Variants in RC3H2 observed in about 807,000 individuals in gnomAD.
The protein encoded by RC3H2 is roquin-2.
In RC3H2, 31 loss-of-function variants were observed where a neutral mutation model predicts 133.3. The ratio of observed to expected loss-of-function variants is 0.23; its 90% confidence interval spans 0.17 to 0.31. RC3H2 has a LOEUF of 0.31. Among genes scored for constraint, RC3H2 ranks in the 10% least tolerant of loss-of-function variants. The pLI, the probability that RC3H2 is intolerant of heterozygous loss-of-function variation, is 1.00. For missense variants in RC3H2, 1,175 were observed against 1,437.2 expected, an observed-to-expected ratio of 0.82 and a Z score of 2.95; for synonymous variants, 517 against 502.2, an observed-to-expected ratio of 1.03 and a Z score of -0.40.
rs753799385 is a variant in RC3H2 at position 122,887,849 on chromosome 9, T to G, written c.583+2463A>C. Among the ~76,000 whole-genome samples the G allele has an allele frequency of 1.2e-4, 18 of 150,760 alleles. 1 individual carries two copies. Among genetic ancestry groups the G allele is most frequent in the Admixed American group, 7.3e-4 (11 of 15,022 alleles). On this transcript the variant is annotated intron_variant, in intron 4 of 20. Transcript: ENST00000357244. Reference sequence around the variant, plus strand: ...AACCTCTGCCCCGAGGTTAGGGCAATTCTCGTGCCTCAGCTTCGCGAGTAG... The same window carrying G: ...AACCTCTGCCCCGAGGTTAGGGCAAGTCTCGTGCCTCAGCTTCGCGAGTAG...
At chr9:122,905,013 C>T in intron 1 of RC3H2, 97 bp downstream of exon 1, 2 of 871,100 alleles carry the variant, frequency 2.3e-6, no homozygotes, top group Non-Finnish European at 2.8e-6. Context: ...GGCGACAGCG[C>T]ACAGGCCCCA....
At chr9:122,894,839 C>G (rs1334590986) in intron 2 of RC3H2, among the ~76,000 whole-genome samples, 1 of 152,132 alleles carries the variant, frequency 6.6e-6, no homozygotes, top group Non-Finnish European at 1.5e-5. Context: ...GAGATTGCGC[C>G]ACTGCACTCC....
At chr9:122,901,586 CTT>C (rs11309716) in intron 1 of RC3H2, among the ~76,000 whole-genome samples, 118 of 119,996 alleles carry the variant, frequency 9.8e-4, no homozygotes, top group East Asian at 7.7e-3. Context: ...CCAATGCATT[CTT>C]TTTTTTTTTT....
At chr9:122,898,621 T>C (rs561009773) in intron 1 of RC3H2, among the ~76,000 whole-genome samples, 193 of 152,108 alleles carry the variant, frequency 1.3e-3, no homozygotes, top group Middle Eastern at 3.4e-3. Flanking sequence ...TGGTGGCACA[T>C]GCCTGTAATT....
In RC3H2 at chr9:122,887,789, G is replaced by C. The variant is rs190105390; in HGVS notation, c.583+2523C>G. Among the ~76,000 whole-genome samples, 6 of 142,366 alleles carry C rather than the reference G, an allele frequency of 4.2e-5. No individual in the cohort carries two copies. In the East Asian group the frequency reaches 1.2e-3, roughly 29 times the overall value. 93.4% of individuals were successfully genotyped at this position (142,366 alleles called of 152,430 possible). On this transcript the variant is annotated intron_variant, in intron 4 of 20. Coordinates refer to ENST00000357244, the MANE Select transcript of RC3H2 (RefSeq NM_001100588.3). ...AGATGGAGTTTTGCTCTTTCACCCAGGCTAAAGTGAAGTGGCATGATCTCG... is the reference window on the plus strand; with the variant it reads ...AGATGGAGTTTTGCTCTTTCACCCACGCTAAAGTGAAGTGGCATGATCTCG...
rs1344760660 is a variant in RC3H2, at chr9:122,897,336, G to A, written c.174C>T (p.Asn58=). Residue 58 remains asparagine, a synonymous_variant, in exon 2 of 21, where the codon AAC becomes AAT. Coordinates refer to ENST00000357244, the MANE Select transcript of RC3H2 (RefSeq NM_001100588.3). ...TGACAGGAAGTACATCAATATCTGT[G>A]TTGATGGCAGTCTGGTCAAAAGGAC... ...KACPFDQTAI[N]TDIDVLPVNF... 1 of 1,613,994 alleles carries A rather than the reference G, an allele frequency of 6.2e-7. No individual in the cohort carries two copies. Among genetic ancestry groups the A allele is most frequent in the African/African-American group, 1.3e-5 (1 of 74,932 alleles).
At chr9:122,878,685 G>A (rs1831453454) in intron 8 of RC3H2, among the ~76,000 whole-genome samples, 1 of 152,098 alleles carries the variant, frequency 6.6e-6, no homozygotes, top group South Asian at 2.1e-4. Flanking sequence ...ATTGAATGTA[G>A]TGAATGGCTC....
intron 3 of RC3H2, among the ~76,000 whole-genome samples, 155 bp from the exon 4 acceptor site, chr9:122,890,700 A>G (rs1023845833): frequency 2.0e-5 from 3 of 150,504 alleles, no homozygotes; most frequent in Non-Finnish European, 4.4e-5. Flanking sequence ...TCTGTTTGTT[A>G]TTATTCTATA....
rs369435687 is a variant in RC3H2, at chr9:122,904,251, T to C, written c.-68+859A>G. ...AAAGGGAACCCAAGGGTTATGAAAA[T>C]ATAAATAAATCACTGGATTAGATTT... On this transcript the variant is annotated intron_variant, in intron 1 of 20. Coordinates refer to ENST00000357244, the MANE Select transcript of RC3H2 (RefSeq NM_001100588.3). Among the ~76,000 whole-genome samples, 5 of 152,186 alleles carry C rather than the reference T, an allele frequency of 3.3e-5. No homozygotes were observed. In the South Asian group the frequency reaches 1.0e-3, roughly 32 times the overall value.
rs1284749290 is a variant in RC3H2 at position 122,879,916 on chromosome 9, T to C, written c.1094-43A>G. ...GGGCATGGGGGTTGGGGGGGAAGAATGTTAGCAGTAATTCTCTTGTGTTAT... is the reference window on the plus strand; with the variant it reads ...GGGCATGGGGGTTGGGGGGGAAGAACGTTAGCAGTAATTCTCTTGTGTTAT... On this transcript the variant is annotated intron_variant, in intron 7 of 20. Transcript: ENST00000357244. The C allele has an allele frequency of 4.3e-6, 7 of 1,610,976 alleles. No individual in the cohort carries two copies. In the East Asian group the frequency reaches 8.9e-5, roughly 21 times the overall value.
intron 10 of RC3H2, among the ~76,000 whole-genome samples, chr9:122,863,113 C>T (rs116901296): frequency 0.014 from 2,149 of 152,216 alleles, 34 homozygotes; most frequent in Non-Finnish European, 0.02. Flanking sequence ...CCCCTAGAAA[C>T]CATTAATCTA....
chr9:122,901,651 G>A (rs532513523), intron 1 of RC3H2, among the ~76,000 whole-genome samples: 12 of 149,410 alleles, frequency 8.0e-5, no homozygotes, highest in Admixed American at 6.7e-4. Flanking sequence ...GAGTGCGGTG[G>A]TGCGATTTCG....
chr9:122,859,250 GGCTTT>G, intron 11 of RC3H2, 148 bp from the exon 12 acceptor site: 1 of 330,442 alleles, frequency 3.0e-6, no homozygotes, highest in South Asian at 8.0e-5. Context: ...TTTATACCCT[GGCTTT>G]TTTTTTTTTT....
At chr9:122,868,356 A>T (rs138757867) in intron 9 of RC3H2, among the ~76,000 whole-genome samples, 3 of 151,020 alleles carry the variant, frequency 2.0e-5, no homozygotes, top group African/African-American at 2.4e-5. Flanking sequence ...TCTGTGTGGA[A>T]AGAAGTAGAC....
intron 4 of RC3H2, 81 bp from the exon 5 acceptor site, chr9:122,883,460 T>C (rs1831738444): frequency 3.9e-6 from 4 of 1,034,176 alleles, no homozygotes; most frequent in Admixed American, 5.5e-5. Flanking sequence ...CTTTGGGTAT[T>C]AGAGTTTATA....
chr9:122,851,054 T>C (rs763283723), intron 20 of RC3H2, 27 bp downstream of exon 20: 17 of 1,612,738 alleles, frequency 1.1e-5, no homozygotes, highest in Non-Finnish European at 1.3e-5. Flanking sequence ...ATGCCCACTG[T>C]TTATGAATTT....
At position 122,858,793 on chromosome 9, in the gene RC3H2, A is replaced by G; in HGVS notation, c.2159T>C (p.Met720Thr). The G allele has an allele frequency of 6.2e-7, 1 of 1,614,282 alleles. No individual in the cohort carries two copies. Among genetic ancestry groups the G allele is most frequent in the Non-Finnish European group, 8.5e-7 (1 of 1,180,048 alleles). ...ATAGACAGATGAGTGCATCACATCCATTGGAGGTAAAGAATTGCTTCTAAT... is the reference window on the plus strand; with the variant it reads ...ATAGACAGATGAGTGCATCACATCCGTTGGAGGTAAAGAATTGCTTCTAAT... The part of the protein sequence containing the change: ...DIIRSNSLPP[M>T]DVMHSSVYQT... Residue 720 changes from methionine to threonine, a missense_variant, in exon 12 of 21, where the codon ATG (methionine) becomes ACG (threonine). Met to Thr is a moderately conservative substitution (Grantham distance 81). Around this residue, in one of 8 missense-constraint regions of RC3H2, gnomAD observed 490 missense variants for 492.8 expected, o/e 0.99. Transcript: ENST00000357244.
At chr9:122,873,248 A>G (rs565915680) in intron 9 of RC3H2, among the ~76,000 whole-genome samples, 6 of 152,354 alleles carry the variant, frequency 3.9e-5, no homozygotes, top group African/African-American at 1.2e-4. Context: ...CTGAAAGGAC[A>G]GTCACATCAC....
At chr9:122,878,027 G>T (rs937940623) in intron 8 of RC3H2, among the ~76,000 whole-genome samples, 1 of 151,984 alleles carries the variant, frequency 6.6e-6, no homozygotes, top group African/African-American at 2.4e-5. Context: ...TCACTTGTCA[G>T]CTTGAGGGTG....
Sources: gnomAD v4.1 joint callset for allele counts (sites outside exome capture counted in the v4.1 genomes callset) on GRCh38, gnomAD v4.1.1 for gene constraint, gnomAD v4.1.1 regional missense constraint, MANE v1.5 for transcripts, NCBI Gene and HGNC (gene_info 2026-07-23, HGNC 2026-07-21) for gene names.